GRIN2D: variants seen among roughly 807,000 people sequenced by gnomAD.
GRIN2D encodes the protein glutamate receptor ionotropic, NMDA 2D.
A neutral mutation model predicts 103.2 loss-of-function variants in GRIN2D; 37 were observed. That is an observed-to-expected ratio of 0.36 (90% CI 0.28 to 0.47). GRIN2D has a LOEUF of 0.47. Among genes scored for constraint, GRIN2D ranks in the 20% least tolerant of loss-of-function variants. GRIN2D has a pLI of 1.00. For synonymous variants in GRIN2D, 845 were observed against 885.6 expected (o/e 0.95, Z 0.81); for missense variants, 1,557 against 1,910.6 (o/e 0.81, Z 3.45).
At chr19:48,439,687 G>A (rs1971269628) in intron 11 of GRIN2D, among the ~76,000 whole-genome samples, 1 of 152,174 alleles carries the variant, frequency 6.6e-6, no homozygotes. Flanking sequence ...CAGCACCTTG[G>A]GAGAAACCCA....
intron 11 of GRIN2D, among the ~76,000 whole-genome samples, chr19:48,426,809 TCCTGA>T (rs1438245091): frequency 6.6e-6 from 1 of 151,644 alleles, no homozygotes; most frequent in Non-Finnish European, 1.5e-5. Context: ...GGTCTCAAAT[TCCTGA>T]CCTCAAGTGA....
At position 48,444,133 on chromosome 19, in the gene GRIN2D, C is replaced by T. The variant is rs376694022; in HGVS notation, c.*196C>T. 2 of 415,962 alleles carry T rather than the reference C, an allele frequency of 4.8e-6. No individual in the cohort carries two copies. Among genetic ancestry groups the T allele is most frequent in the East Asian group, 7.2e-5 (2 of 27,786 alleles). 25.8% of individuals were successfully genotyped at this position (415,962 alleles called of 1,614,324 possible). A position where few individuals can be genotyped will look rare whatever the true frequency, so the allele number is the denominator to read the frequency against. Reference sequence around the variant, plus strand: ...GAGGATTTGGTCCCTCAACTATCACCCAGCCTGAGAACGAGGGGGCGGGGG... The same window carrying T: ...GAGGATTTGGTCCCTCAACTATCACTCAGCCTGAGAACGAGGGGGCGGGGG... On this transcript the variant is annotated 3_prime_UTR_variant, in exon 14 of 14. Coordinates refer to ENST00000263269, the MANE Select transcript of GRIN2D (RefSeq NM_000836.4). The surrounding 1 kb of genome is among the most constrained non-coding windows in gnomAD (Gnocchi z 5.5).
chr19:48,410,209 A>G (rs181366616), intron 4 of GRIN2D, among the ~76,000 whole-genome samples: 8 of 150,820 alleles, frequency 5.3e-5, no homozygotes, highest in Non-Finnish European at 1.0e-4. Context: ...CAATAGTTCC[A>G]AGCAGATGAA....
rs1970603424 is a variant in GRIN2D, at chr19:48,394,237, G to A, written c.-306+369G>A. ...CTCAAGCTCTGGGGGTGTTGAGGGG[G>A]AATCCCAGGGAAGTGAGATCGTGCG... On this transcript the variant is annotated intron_variant, in intron 1 of 13. Coordinates refer to ENST00000263269, the MANE Select transcript of GRIN2D (RefSeq NM_000836.4). The surrounding 1 kb of genome is among the most constrained non-coding windows in gnomAD (Gnocchi z 5.1). 6.6e-6 allele frequency among the ~76,000 whole-genome samples: 1 copy of A among 151,918 alleles called. No homozygotes were observed. The highest frequency in any genetic ancestry group is 2.4e-5 in the African/African-American group (1 of 41,346).
intron 4 of GRIN2D, among the ~76,000 whole-genome samples, chr19:48,407,138 C>T (rs1164629352): frequency 1.3e-5 from 2 of 151,700 alleles, no homozygotes; most frequent in African/African-American, 4.9e-5. Flanking sequence ...CCACCATGCC[C>T]GGCTAATTTT....
chr19:48,404,431 T>C (rs1472951308), intron 3 of GRIN2D, among the ~76,000 whole-genome samples: 1 of 151,872 alleles, frequency 6.6e-6, no homozygotes, highest in African/African-American at 2.4e-5. Context: ...AGGCGGAGGT[T>C]GCAGTGAGCC....
At chr19:48,395,553 C>G (rs1970629265) in intron 2 of GRIN2D, among the ~76,000 whole-genome samples, 1 of 151,888 alleles carries the variant, frequency 6.6e-6, no homozygotes, top group Admixed American at 6.6e-5. Flanking sequence ...CAGCACAACT[C>G]GAGGTTGTGG....
intron 3 of GRIN2D, among the ~76,000 whole-genome samples, chr19:48,402,166 A>AAGAGAG (rs531796512): frequency 3.2e-4 from 26 of 80,030 alleles, no homozygotes; most frequent in African/African-American, 1.1e-3. Flanking sequence ...GAAAGAAAGA[A>AAGAGAG]AGAGAGAAAA....
chr19:48,442,460 G>C lies in GRIN2D; in HGVS notation c.2673+78G>C. ...AGGTAAAGCCGAGCAGAGACAAGGA[G>C]ATGTGGGTCGAGATGTGGATAGTGG... On this transcript the variant is annotated intron_variant, in intron 13 of 13. Coordinates refer to ENST00000263269, the MANE Select transcript of GRIN2D (RefSeq NM_000836.4). The surrounding 1 kb of genome is among the most constrained non-coding windows in gnomAD (Gnocchi z 7.2). 6.5e-7 allele frequency: 1 copy of C among 1,542,018 alleles called. No homozygotes were observed. Among genetic ancestry groups the C allele is most frequent in the Non-Finnish European group, 8.8e-7 (1 of 1,137,812 alleles).
chr19:48,402,166 A>AAGAAATAAAGAAAGAAAGAAAGAGAG (rs748167336), intron 3 of GRIN2D, among the ~76,000 whole-genome samples: 44 of 80,084 alleles, frequency 5.5e-4, no homozygotes, highest in African/African-American at 1.9e-3. Flanking sequence ...GAAAGAAAGA[A>AAGAAATAAAGAAAGAAAGAAAGAGAG]AGAGAGAAAA....
intron 2 of GRIN2D, among the ~76,000 whole-genome samples, chr19:48,396,788 T>G (rs1280306259): frequency 6.6e-6 from 1 of 151,918 alleles, no homozygotes; most frequent in Non-Finnish European, 1.5e-5. Context: ...GCCCTGGCTG[T>G]CTGTGGGGTG....
At chr19:48,403,675 G>C (rs1028272011) in intron 3 of GRIN2D, among the ~76,000 whole-genome samples, 77 of 152,170 alleles carry the variant, frequency 5.1e-4, no homozygotes, top group African/African-American at 1.7e-3. Flanking sequence ...GGCAGAGGAA[G>C]AGGTGACAGA....
chr19:48,444,808 CGGGTCTGGGGCTGGGTTGCGGAGGGGA>C lies in GRIN2D; in HGVS notation c.*881_*907del, dbSNP rs2147479318. On this transcript the variant is annotated 3_prime_UTR_variant, in exon 14 of 14. Coordinates refer to ENST00000263269, the MANE Select transcript of GRIN2D (RefSeq NM_000836.4). This position sits in a 1 kb window ranked among gnomAD's most constrained non-coding sequence, Gnocchi z 5.5. ...AGCCTCCTCTGCCCAGATCTCCAGC[CGGGTCTGGGGCTGGGTTGCGGAGGGGA>C]GGGTCTGGGAGTCCACACTTCTCCA... is the stretch of plus-strand genomic sequence containing the variant. The C allele has an allele frequency of 6.6e-6, 1 of 152,412 alleles. No homozygotes were observed. The highest frequency in any genetic ancestry group is 6.5e-5 in the Admixed American group (1 of 15,294). 9.4% of individuals were successfully genotyped at this position (152,412 alleles called of 1,614,324 possible).
rs966483626 is a variant in GRIN2D at position 48,393,910 on chromosome 19, A to AG, written c.-306+49dup. ...CCGGGTGTCTGGGGCTGGCTGGTGG[A>AG]GGGGGGGTGTGTCTGTAAGCGCTGC... On this transcript the variant is annotated intron_variant, in intron 1 of 13. Coordinates refer to ENST00000263269, the MANE Select transcript of GRIN2D (RefSeq NM_000836.4). The surrounding 1 kb of genome is among the most constrained non-coding windows in gnomAD (Gnocchi z 5.6). 4.0e-4 allele frequency among the ~76,000 whole-genome samples: 60 copies of AG among 150,690 alleles called. 1 individual carries two copies. The highest frequency in any genetic ancestry group is 1.2e-3 in the African/African-American group (48 of 40,870).
intron 4 of GRIN2D, among the ~76,000 whole-genome samples, chr19:48,409,377 C>G (rs940714572): frequency 4.9e-5 from 7 of 143,636 alleles, no homozygotes; most frequent in Admixed American, 2.2e-4. Flanking sequence ...CTCCTGGATT[C>G]AAGCGATTCT....
At chr19:48,436,232 G>A (rs1781791191) in intron 11 of GRIN2D, among the ~76,000 whole-genome samples, 1 of 152,160 alleles carries the variant, frequency 6.6e-6, no homozygotes, top group South Asian at 2.1e-4. Flanking sequence ...ATAATTTGGC[G>A]GGTAGGGGCT....
intron 11 of GRIN2D, among the ~76,000 whole-genome samples, chr19:48,428,696 C>T (rs1971119318): frequency 6.6e-6 from 1 of 152,116 alleles, no homozygotes; most frequent in South Asian, 2.1e-4. Context: ...ACTAGTCATA[C>T]TGGATTAGAG....
chr19:48,420,176 C>A (rs1194131818), intron 10 of GRIN2D, among the ~76,000 whole-genome samples: 1 of 152,194 alleles, frequency 6.6e-6, no homozygotes, highest in East Asian at 1.9e-4. Flanking sequence ...CACCTGTAAT[C>A]CCAGCACGTT....
chr19:48,429,486 G>A (rs1265835612), intron 11 of GRIN2D, among the ~76,000 whole-genome samples: 1 of 152,078 alleles, frequency 6.6e-6, no homozygotes, highest in Non-Finnish European at 1.5e-5. Flanking sequence ...TGCAACCTCT[G>A]CCTCCTGGGT....
Sources: allele counts gnomAD v4.1 joint callset (sites outside exome capture counted in the v4.1 genomes callset), GRCh38; gene constraint gnomAD v4.1.1; non-coding constraint Gnocchi (gnomAD v3.1); transcripts MANE v1.5; gene names NCBI Gene and HGNC (gene_info 2026-07-23, HGNC 2026-07-21).